TRPM3: variants seen among roughly 807,000 people sequenced by gnomAD.
TRPM3 encodes long transient receptor potential channel 3.
In TRPM3, 77 loss-of-function variants were observed where a neutral mutation model predicts 181.2. That is an observed-to-expected ratio of 0.42 (90% CI 0.35 to 0.51). The LOEUF (loss-of-function observed/expected upper bound fraction) is 0.51. Ranked by LOEUF, TRPM3 falls within the 20% of genes least tolerant of loss-of-function variation. The pLI, the probability that TRPM3 is intolerant of heterozygous loss-of-function variation, is 0.01. For synonymous variants in TRPM3, 745 were observed against 796.4 expected (o/e 0.94, Z 1.09); for missense variants, 1,759 against 2,196.7 (o/e 0.80, Z 3.98).
chr9:70,684,696 T>C (rs978667275), intron 8 of TRPM3, among the ~76,000 whole-genome samples: 1 of 152,160 alleles, frequency 6.6e-6, no homozygotes, highest in African/African-American at 2.4e-5. Flanking sequence ...TTGGAGGGAA[T>C]GTGAATTAAA....
chr9:70,893,607 A>C (rs1359849725), intron 1 of TRPM3, among the ~76,000 whole-genome samples: 2 of 152,100 alleles, frequency 1.3e-5, no homozygotes, highest in Non-Finnish European at 2.9e-5. Context: ...TGTACCTCCT[A>C]GATCTGGAAA....
chr9:71,237,068 G>GA (rs201834505), intron 1 of TRPM3, among the ~76,000 whole-genome samples: 27 of 129,064 alleles, frequency 2.1e-4, no homozygotes, highest in Middle Eastern at 3.7e-3. Context: ...AAAGGGGGGG[G>GA]GAAAAAAAGA....
At chr9:71,160,718 T>C (rs2076235985) in intron 1 of TRPM3, among the ~76,000 whole-genome samples, 1 of 152,176 alleles carries the variant, frequency 6.6e-6, no homozygotes, top group Non-Finnish European at 1.5e-5. Context: ...ACCTGAGTTG[T>C]ACCATTTAAC....
At chr9:70,967,600 G>A (rs2097198908) in intron 1 of TRPM3, among the ~76,000 whole-genome samples, 1 of 151,942 alleles carries the variant, frequency 6.6e-6, no homozygotes, top group African/African-American at 2.4e-5. Context: ...TTCTCAAAGT[G>A]TGTCCCATGG....
In TRPM3 at chr9:70,767,587, C is replaced by T. The variant is rs977640569; in HGVS notation, c.1149-5863G>A. Reference sequence around the variant, plus strand: ...TCATTTTTCTCCAGCATACCTAGGGCCTCAACTGGAATAGCTGGAATGGCT... The same window carrying T: ...TCATTTTTCTCCAGCATACCTAGGGTCTCAACTGGAATAGCTGGAATGGCT... On this transcript the variant is annotated intron_variant, in intron 7 of 25. Transcript: ENST00000677713. 2.0e-5 allele frequency among the ~76,000 whole-genome samples: 3 copies of T among 152,106 alleles called. No homozygotes were observed. The East Asian group carries it at 5.8e-4, about 29-fold the overall frequency.
In TRPM3 at chr9:71,133,700, T is replaced by C. The variant is rs2134476759; in HGVS notation, c.184-269189A>G. Reference sequence around the variant, plus strand: ...GTCATGTGAATTGCTAGTATTTTTGTAGTTTTCCACATAGCTTTTAATTTT... The same window carrying C: ...GTCATGTGAATTGCTAGTATTTTTGCAGTTTTCCACATAGCTTTTAATTTT... On this transcript the variant is annotated intron_variant, in intron 1 of 24. Transcript: ENST00000357533. 2.0e-5 allele frequency among the ~76,000 whole-genome samples: 3 copies of C among 152,324 alleles called. No homozygotes were observed. In the South Asian group the frequency reaches 6.2e-4, roughly 32 times the overall value.
chr9:71,394,034 A>T (rs2093130353), intron 1 of TRPM3, among the ~76,000 whole-genome samples: 1 of 152,206 alleles, frequency 6.6e-6, no homozygotes, highest in South Asian at 2.1e-4. Context: ...GTCTGAGAAG[A>T]GATCCACTGA....
At chr9:71,315,937 C>T (rs1284796335) in intron 1 of TRPM3, among the ~76,000 whole-genome samples, 2 of 152,146 alleles carry the variant, frequency 1.3e-5, no homozygotes, top group East Asian at 3.8e-4. Flanking sequence ...TAGTTATTGT[C>T]ATTCTCCTGT....
At chr9:71,051,507 A>G (rs1031891598) in intron 1 of TRPM3, among the ~76,000 whole-genome samples, 3 of 152,242 alleles carry the variant, frequency 2.0e-5, no homozygotes, top group African/African-American at 7.2e-5. Flanking sequence ...CTCAAGTCCA[A>G]TCATCCTCCA....
At position 70,536,594 on chromosome 9, in the gene TRPM3, TGTG is replaced by T; in HGVS notation, c.4516_4518del (p.His1506del). 4.3e-6 allele frequency: 7 copies of T among 1,614,034 alleles called. No individual in the cohort carries two copies. Among genetic ancestry groups the T allele is most frequent in the Non-Finnish European group, 5.9e-6 (7 of 1,180,004 alleles). On this transcript the variant is annotated inframe_deletion, in exon 26 of 26. Coordinates refer to ENST00000677713, the MANE Select transcript of TRPM3 (RefSeq NM_001366145.2). ...CGGCTACTTTTGGAACGCTCAATGG[TGTG>T]GTACATCGGAGGCTCTGAGTCCCAG...
intron 1 of TRPM3, among the ~76,000 whole-genome samples, chr9:71,441,956 A>C (rs1405949588): frequency 2.0e-5 from 3 of 152,162 alleles, no homozygotes; most frequent in Non-Finnish European, 4.4e-5. Context: ...AAGACCTTAA[A>C]GAATTCGCTT....
chr9:70,668,461 G>A (rs1331044366), intron 9 of TRPM3, among the ~76,000 whole-genome samples: 3 of 151,876 alleles, frequency 2.0e-5, no homozygotes, highest in Non-Finnish European at 4.4e-5. Context: ...TCAGGAGATC[G>A]AGACCATCCT....
chr9:70,797,546 A>G (rs770331561), intron 6 of TRPM3, among the ~76,000 whole-genome samples: 1 of 152,142 alleles, frequency 6.6e-6, no homozygotes, highest in Non-Finnish European at 1.5e-5. Context: ...CTCTCTCTCT[A>G]CCTGATCTGA....
chr9:70,700,105 C>A (rs2071933967), intron 8 of TRPM3, among the ~76,000 whole-genome samples: 1 of 152,154 alleles, frequency 6.6e-6, no homozygotes, highest in Non-Finnish European at 1.5e-5. Context: ...GCCTCAGACA[C>A]CCGAGTAGCT....
intron 1 of TRPM3, among the ~76,000 whole-genome samples, chr9:71,105,258 G>A (rs772394238): frequency 8.5e-5 from 13 of 152,176 alleles, no homozygotes; most frequent in Non-Finnish European, 7.4e-5. Flanking sequence ...CTAATATAGA[G>A]TGTGTTTTGT....
chr9:71,199,184 T>C (rs1211638568), intron 1 of TRPM3, among the ~76,000 whole-genome samples: 1 of 151,548 alleles, frequency 6.6e-6, no homozygotes, highest in Non-Finnish European at 1.5e-5. Context: ...TTTATTGATT[T>C]GCGTATATTG....
intron 1 of TRPM3, among the ~76,000 whole-genome samples, chr9:71,196,167 A>ATATG (rs138823210): frequency 6.7e-6 from 1 of 149,340 alleles, no homozygotes; most frequent in African/African-American, 2.5e-5. Flanking sequence ...ACACACGTAT[A>ATATG]TGTGTGTGTG....
chr9:70,789,197 G>A (rs1318859517), intron 6 of TRPM3, among the ~76,000 whole-genome samples: 3 of 152,100 alleles, frequency 2.0e-5, no homozygotes, highest in Non-Finnish European at 4.4e-5. Context: ...AAAAGAAACA[G>A]CTTTTTAGAA....
chr9:70,624,002 T>C (rs1440775039), intron 14 of TRPM3, among the ~76,000 whole-genome samples: 1 of 152,168 alleles, frequency 6.6e-6, no homozygotes, highest in East Asian at 1.9e-4. Context: ...AAACAACTGA[T>C]CGTATTTGCT....
Sources: gnomAD v4.1 joint callset for allele counts (sites outside exome capture counted in the v4.1 genomes callset) on GRCh38, gnomAD v4.1.1 for gene constraint, MANE v1.5 for transcripts, NCBI Gene and HGNC (gene_info 2026-07-23, HGNC 2026-07-21) for gene names.